Variants in MND1 observed in about 807,000 individuals in gnomAD.
MND1 encodes the protein meiotic nuclear divisions 1.
Under a neutral mutation model 35.1 loss-of-function variants are expected in MND1, and 28 were observed. That is an observed-to-expected ratio of 0.80 (90% CI 0.59 to 1.09). The LOEUF (loss-of-function observed/expected upper bound fraction) is 1.09. MND1 is among the 50% of genes least tolerant of loss of function. The probability of loss-of-function intolerance (pLI) is 0.00; values close to 1 mark genes in which losing one functional copy is unlikely to be tolerated. For synonymous variants in MND1, 69 were observed against 70.5 expected (o/e 0.98, Z 0.11); for missense variants, 213 against 239.6 (o/e 0.89, Z 0.73).
At chr4:153,352,524 G>A (rs1299158604) in intron 2 of MND1, among the ~76,000 whole-genome samples, 1 of 152,038 alleles carries the variant, frequency 6.6e-6, no homozygotes, top group Non-Finnish European at 1.5e-5. Context: ...GTGTTGGTAT[G>A]GGGATTAAAT....
chr4:153,366,380 AT>A (rs1773638364), intron 4 of MND1, among the ~76,000 whole-genome samples: 1 of 152,192 alleles, frequency 6.6e-6, no homozygotes, highest in Non-Finnish European at 1.5e-5. Flanking sequence ...TTGTGGATGA[AT>A]TTTTTAAAAA....
intron 4 of MND1, among the ~76,000 whole-genome samples, chr4:153,375,041 AAAAAGTTATTT>A (rs1728461638): frequency 1.3e-5 from 2 of 152,208 alleles, no homozygotes; most frequent in African/African-American, 4.8e-5. Flanking sequence ...AACTTATTGG[AAAAAGTTATTT>A]AACTGTGTAA....
chr4:153,403,885 T>C (rs925440345), intron 6 of MND1, among the ~76,000 whole-genome samples: 1 of 151,758 alleles, frequency 6.6e-6, no homozygotes, highest in Admixed American at 6.6e-5. Flanking sequence ...CCTGCCTCAG[T>C]CCCCTGAGTA....
At chr4:153,386,652 G>T (rs1579934786) in intron 4 of MND1, among the ~76,000 whole-genome samples, 1 of 152,106 alleles carries the variant, frequency 6.6e-6, no homozygotes, top group South Asian at 2.1e-4. Context: ...GGAGGTGGAG[G>T]TTGCAGTGAG....
At chr4:153,407,412 A>G (rs1251330944) in intron 6 of MND1, among the ~76,000 whole-genome samples, 1 of 152,158 alleles carries the variant, frequency 6.6e-6, no homozygotes, top group Non-Finnish European at 1.5e-5. Flanking sequence ...GCAGTGAGCC[A>G]AGACCGCGCT....
chr4:153,393,493 C>T (rs144020047), intron 4 of MND1, among the ~76,000 whole-genome samples: 112 of 151,908 alleles, frequency 7.4e-4, no homozygotes, highest in Non-Finnish European at 1.2e-3. Flanking sequence ...ACCCTCACAC[C>T]TCAGCTTCCC....
At chr4:153,350,474 A>T (rs900533724) in intron 2 of MND1, among the ~76,000 whole-genome samples, 1 of 152,202 alleles carries the variant, frequency 6.6e-6, no homozygotes, top group Admixed American at 6.5e-5. Context: ...GATCTCAAAC[A>T]ATAGAAGCCA....
chr4:153,350,951 TAAA>T (rs567868452), intron 2 of MND1, among the ~76,000 whole-genome samples: 1 of 123,538 alleles, frequency 8.1e-6, no homozygotes, highest in Non-Finnish European at 1.8e-5. Context: ...AGATTCTTAG[TAAA>T]AAAAAAAAAA....
rs765736327 is a variant in MND1, at chr4:153,358,623, G to A, written c.276+1G>A. ...TAAGTTGGAGGTTCTGGAATCTCAG[G>A]TAAGCTGCCACAGTTAAAAAGAATA... On this transcript the variant is annotated splice_donor_variant, in intron 4 of 7. Coordinates refer to ENST00000240488, the MANE Select transcript of MND1 (RefSeq NM_032117.4). LOFTEE classifies it high-confidence loss of function. 1.2e-6 allele frequency: 2 copies of A among 1,611,374 alleles called. No homozygotes were observed. The highest frequency in any genetic ancestry group is 8.5e-7 in the Non-Finnish European group (1 of 1,179,034).
At chr4:153,395,964 A>G (rs1289588413) in intron 5 of MND1, among the ~76,000 whole-genome samples, 1 of 152,014 alleles carries the variant, frequency 6.6e-6, no homozygotes, top group Non-Finnish European at 1.5e-5. Context: ...GGCTCAAGTG[A>G]TCCCCCTGCC....
chr4:153,355,520 A>G (rs1278579014), intron 2 of MND1, 134 bp from the exon 3 acceptor site: 3 of 611,036 alleles, frequency 4.9e-6, no homozygotes, highest in Non-Finnish European at 8.8e-6. Flanking sequence ...TTGTATACCT[A>G]TATCAAAATA....
chr4:153,356,220 TG>T (rs201707596), intron 3 of MND1, among the ~76,000 whole-genome samples: 2,064 of 152,296 alleles, frequency 0.014, 26 homozygotes, highest in South Asian at 0.048. Context: ...TATTATTTTT[TG>T]TTTGGCTGTA....
chr4:153,396,435 T>C (rs1222806138), intron 5 of MND1, among the ~76,000 whole-genome samples: 3 of 152,196 alleles, frequency 2.0e-5, no homozygotes, highest in African/African-American at 4.8e-5. Flanking sequence ...AAATACAAGG[T>C]AGCTGGCAAC....
chr4:153,409,144 A>T, intron 7 of MND1, 129 bp downstream of exon 7: 1 of 340,122 alleles, frequency 2.9e-6, no homozygotes, highest in East Asian at 6.5e-5. Context: ...TGCATTACTC[A>T]AATGTTTACA....
chr4:153,375,238 G>T (rs1474508312), intron 4 of MND1, among the ~76,000 whole-genome samples: 3 of 152,120 alleles, frequency 2.0e-5, no homozygotes, highest in African/African-American at 7.2e-5. Flanking sequence ...ATTCCCAAGG[G>T]AAAACAGAAG....
rs1320713982 is a variant in MND1 at position 153,362,977 on chromosome 4, T to A, written c.276+4355T>A. On this transcript the variant is annotated intron_variant, in intron 4 of 7. Transcript: ENST00000240488. ...ACATGGCATGGATTGAGAGATTTGT[T>A]TTCCTATAGGTGACTTTCCCCCACC... The A allele has an allele frequency of 3.0e-6, 3 of 984,086 alleles. No individual in the cohort carries two copies. In the African/African-American group the frequency reaches 5.2e-5, roughly 17 times the overall value. 61.0% of individuals were successfully genotyped at this position (984,086 alleles called of 1,614,324 possible).
In MND1 at chr4:153,355,693, C is replaced by A; in HGVS notation, c.109C>A (p.Pro37Thr). Residue 37 changes from proline to threonine, a missense_variant, in exon 3 of 8, where the codon CCC becomes ACC. Transcript: ENST00000240488. ...FQLKDLEKIA[P>T]KEKGITAMSV... The stretch of plus-strand genomic sequence containing the variant: ...ATTAAAAGACTTGGAGAAGATTGCT[C>A]CCAAAGAGAAAGGCATTAGTAAGTA... 1 of 1,587,872 alleles carries A rather than the reference C, an allele frequency of 6.3e-7. No individual in the cohort carries two copies. Among genetic ancestry groups the A allele is most frequent in the South Asian group, 1.1e-5 (1 of 89,688 alleles).
intron 6 of MND1, among the ~76,000 whole-genome samples, chr4:153,398,580 T>A (rs1729263221): frequency 6.6e-6 from 1 of 152,164 alleles, no homozygotes; most frequent in South Asian, 2.1e-4. Flanking sequence ...GGTGGTGATA[T>A]GTAGTGCCAC....
chr4:153,403,884 G>A (rs949622961), intron 6 of MND1, among the ~76,000 whole-genome samples: 6 of 151,964 alleles, frequency 3.9e-5, no homozygotes, highest in Non-Finnish European at 5.9e-5. Flanking sequence ...TCCTGCCTCA[G>A]TCCCCTGAGT....
Sources: gnomAD v4.1 joint callset for allele counts (sites outside exome capture counted in the v4.1 genomes callset) on GRCh38, gnomAD v4.1.1 for gene constraint, MANE v1.5 for transcripts, NCBI Gene and HGNC (gene_info 2026-07-23, HGNC 2026-07-21) for gene names.